IPO11: variants seen among roughly 807,000 people sequenced by gnomAD.
The protein encoded by IPO11 is importin 11.
Under a neutral mutation model 143.2 loss-of-function variants are expected in IPO11, and 66 were observed. The ratio of observed to expected loss-of-function variants is 0.46; its 90% CI spans 0.38 to 0.57. IPO11 has a LOEUF of 0.57. Among genes scored for constraint, IPO11 ranks in the 20% least tolerant of loss-of-function variants. The pLI, the probability that IPO11 is intolerant of heterozygous loss-of-function variation, is 0.00. For synonymous variants in IPO11, 385 were observed against 377.8 expected (o/e 1.02, Z -0.22); for missense variants, 1,026 against 1,141.0 (o/e 0.90, Z 1.45).
intron 1 of IPO11, among the ~76,000 whole-genome samples, chr5:62,435,094 ATATATGTATATATATGTATATATG>A (rs1744134635): frequency 1.9e-5 from 1 of 53,366 alleles, no homozygotes; most frequent in Non-Finnish European, 4.0e-5. Flanking sequence ...GTATATATGT[ATATATGTATATATATGTATATATG>A]TATATATGTA....
chr5:62,484,793 T>C (rs1746336387), intron 11 of IPO11, among the ~76,000 whole-genome samples: 1 of 152,024 alleles, frequency 6.6e-6, no homozygotes, highest in Non-Finnish European at 1.5e-5. Context: ...ATTTTAAGAG[T>C]GCCCAAAAGT....
At chr5:62,418,497 A>T (rs868507842) in intron 1 of IPO11, among the ~76,000 whole-genome samples, 1 of 152,348 alleles carries the variant, frequency 6.6e-6, no homozygotes. Flanking sequence ...CCAGTACAGT[A>T]AGCTATTAAC....
At chr5:62,518,657 A>C (rs1742105516) in intron 20 of IPO11, among the ~76,000 whole-genome samples, 1 of 152,100 alleles carries the variant, frequency 6.6e-6, no homozygotes, top group African/African-American at 2.4e-5. Context: ...CTTTCTTGCA[A>C]AATACTGCTA....
chr5:62,549,858 A>G (rs1743334203), intron 24 of IPO11, among the ~76,000 whole-genome samples: 1 of 152,246 alleles, frequency 6.6e-6, no homozygotes, highest in Admixed American at 6.5e-5. Context: ...TGAATGAAAT[A>G]TGATTTCTAA....
chr5:62,426,933 T>G (rs1296185483), intron 1 of IPO11, among the ~76,000 whole-genome samples: 1 of 94,630 alleles, frequency 1.1e-5, no homozygotes, highest in African/African-American at 4.1e-5. Context: ...TTCTTTCTGT[T>G]TTTTTTTTTT....
intron 29 of IPO11, among the ~76,000 whole-genome samples, chr5:62,606,640 C>T (rs1310557009): frequency 2.6e-5 from 4 of 151,792 alleles, no homozygotes; most frequent in Non-Finnish European, 4.4e-5. Context: ...ATCGAGACCA[C>T]CCTGGCTAAC....
chr5:62,443,438 T>A (rs1459034288), intron 3 of IPO11, among the ~76,000 whole-genome samples: 1 of 150,870 alleles, frequency 6.6e-6, no homozygotes, highest in Non-Finnish European at 1.5e-5. Flanking sequence ...TGCGTGTGCG[T>A]GTGATGTTGG....
intron 27 of IPO11, among the ~76,000 whole-genome samples, chr5:62,568,259 C>T (rs1229323185): frequency 6.6e-6 from 1 of 151,950 alleles, no homozygotes; most frequent in African/African-American, 2.4e-5. Flanking sequence ...CCACCACACC[C>T]AGGCTGACTG....
intron 27 of IPO11, chr5:62,576,275 T>C (rs1270228409): frequency 1.3e-5 from 2 of 154,060 alleles, no homozygotes; most frequent in Non-Finnish European, 2.9e-5. Flanking sequence ...CAGAAATACT[T>C]GCCTTTTAGA....
intron 5 of IPO11, among the ~76,000 whole-genome samples, chr5:62,464,500 C>T (rs1745501579): frequency 6.6e-6 from 1 of 151,618 alleles, no homozygotes; most frequent in South Asian, 2.1e-4. Context: ...GGCAGGGTCT[C>T]ACTTTGTCAC....
chr5:62,598,435 TCTCTCTCTCTCTCTCTCTCTC>T (rs2112441598), intron 28 of IPO11, among the ~76,000 whole-genome samples: 13 of 3,028 alleles, frequency 4.3e-3, no homozygotes, highest in African/African-American at 7.4e-3. Flanking sequence ...TTTCTTTCTC[TCTCTCTCTCTCTCTCTCTCTC>T]TCTCTCTCTC....
chr5:62,581,535 C>T, intron 27 of IPO11: 1 of 413,252 alleles, frequency 2.4e-6, no homozygotes, highest in South Asian at 6.0e-5. Flanking sequence ...GTATCAAGCA[C>T]TGTGCCAAAT....
At chr5:62,491,379 G>A (rs1746602387) in intron 15 of IPO11, among the ~76,000 whole-genome samples, 1 of 152,122 alleles carries the variant, frequency 6.6e-6, no homozygotes, top group Non-Finnish European at 1.5e-5. Context: ...TTAGTCTCAG[G>A]GAGCTAGTGA....
chr5:62,449,873 A>C lies in IPO11; in HGVS notation c.240-54A>C, dbSNP rs569158349. ...AAAATTTACAGTAATGCTTACCTAC[A>C]TTTATTATTAGGTGGCATTCTTTTG... On this transcript the variant is annotated intron_variant, in intron 3 of 29. Transcript: ENST00000325324. 298 of 1,142,410 alleles carry C rather than the reference A, an allele frequency of 2.6e-4. 2 individuals carry two copies. In the South Asian group the frequency reaches 4.4e-3, roughly 17 times the overall value. 70.8% of individuals were successfully genotyped at this position (1,142,410 alleles called of 1,614,324 possible).
At chr5:62,549,377 T>G (rs1325730289) in intron 24 of IPO11, among the ~76,000 whole-genome samples, 1 of 152,214 alleles carries the variant, frequency 6.6e-6, no homozygotes, top group African/African-American at 2.4e-5. Context: ...CTTGGAAGTA[T>G]TCTTGATGGT....
chr5:62,429,330 T>C (rs1743888099), intron 1 of IPO11, among the ~76,000 whole-genome samples: 1 of 152,234 alleles, frequency 6.6e-6, no homozygotes, highest in South Asian at 2.1e-4. Flanking sequence ...ATTCATGTTT[T>C]AGTATGTTAC....
At chr5:62,537,916 C>A (rs1258572056) in intron 24 of IPO11, among the ~76,000 whole-genome samples, 1 of 151,982 alleles carries the variant, frequency 6.6e-6, no homozygotes, top group Non-Finnish European at 1.5e-5. Flanking sequence ...GAAGGTGTAG[C>A]TGTTAAAAGT....
At chr5:62,614,734 A>T (rs888890064) in intron 29 of IPO11, among the ~76,000 whole-genome samples, 3 of 152,042 alleles carry the variant, frequency 2.0e-5, no homozygotes, top group African/African-American at 7.2e-5. Context: ...GTTACAGTCC[A>T]CTTTTAGCTT....
intron 20 of IPO11, among the ~76,000 whole-genome samples, chr5:62,517,205 A>G (rs988187121): frequency 2.1e-5 from 3 of 144,860 alleles, no homozygotes; most frequent in African/African-American, 7.7e-5. Flanking sequence ...CTCAAAAAAA[A>G]GAAAAAAAAA....
Sources: gnomAD v4.1 joint callset for allele counts (sites outside exome capture counted in the v4.1 genomes callset) on GRCh38, gnomAD v4.1.1 for gene constraint, MANE v1.5 for transcripts, NCBI Gene and HGNC (gene_info 2026-07-23, HGNC 2026-07-21) for gene names.